CAP1: variants seen among roughly 807,000 people sequenced by gnomAD.
The protein encoded by CAP1 is cyclase associated actin cytoskeleton regulatory protein 1, also known as adenylyl cyclase-associated protein 1.
In CAP1, 11 loss-of-function variants were observed where a neutral mutation model predicts 58.2. The observed-to-expected ratio is 0.19, with a 90% CI of 0.12 to 0.31. The LOEUF (loss-of-function observed/expected upper bound fraction) is 0.31. Among genes scored for constraint, CAP1 ranks in the 10% least tolerant of loss-of-function variants. CAP1 has a pLI of 1.00. For missense variants in CAP1, 423 were observed against 587.5 expected (o/e 0.72, Z 2.89); for synonymous variants, 183 against 213.8 (o/e 0.86, Z 1.26).
intron 8 of CAP1, 124 bp downstream of exon 8, chr1:40,067,841 G>A: frequency 1.6e-6 from 1 of 636,074 alleles, no homozygotes; most frequent in Non-Finnish European, 2.7e-6. Flanking sequence ...GGTGTGTCCT[G>A]TTCCTTTAAG....
intron 4 of CAP1, among the ~76,000 whole-genome samples, chr1:40,063,032 T>C (rs774505939): frequency 2.6e-5 from 4 of 152,002 alleles, no homozygotes; most frequent in Admixed American, 6.6e-5. Flanking sequence ...GGGTGTTGTT[T>C]TGTCACCCAG....
At chr1:40,055,847 G>A (rs1236798671) in intron 1 of CAP1, among the ~76,000 whole-genome samples, 1 of 152,094 alleles carries the variant, frequency 6.6e-6, no homozygotes, top group African/African-American at 2.4e-5. Flanking sequence ...GAGGCAAGAG[G>A]CATCTATTCA....
chr1:40,070,765 A>C, intron 11 of CAP1, 71 bp from the exon 12 acceptor site: 1 of 1,401,514 alleles, frequency 7.1e-7, no homozygotes, highest in Non-Finnish European at 9.8e-7. Context: ...GTGAAACAGG[A>C]AACCTTTTCC....
At chr1:40,046,397 A>G (rs1646103649) in intron 1 of CAP1, among the ~76,000 whole-genome samples, 1 of 152,188 alleles carries the variant, frequency 6.6e-6, no homozygotes. Flanking sequence ...TGGAGGTTGC[A>G]GTGAGCTAAG....
At chr1:40,064,904 G>T (rs1465696314) in intron 6 of CAP1, among the ~76,000 whole-genome samples, 1 of 152,182 alleles carries the variant, frequency 6.6e-6, no homozygotes, top group Non-Finnish European at 1.5e-5. Context: ...AACCCATTTG[G>T]TTACTTGCTG....
chr1:40,069,724 C>G lies in CAP1; in HGVS notation c.843C>G (p.His281Gln). ...LKHVSDDMKT[H>Q]KNPALKAQSG... ...ATGTATCTGATGACATGAAGACTCA[C>G]AAGAACCCTGCCCTGAAGGCTCAGA... Residue 281 changes from histidine to glutamine, a missense_variant, in exon 9 of 13, where the codon CAC (histidine) becomes CAG (glutamine). Coordinates refer to ENST00000372805, the MANE Select transcript of CAP1 (RefSeq NM_006367.4). The G allele has an allele frequency of 6.2e-7, 1 of 1,613,812 alleles. No individual in the cohort carries two copies. Among genetic ancestry groups the G allele is most frequent in the Non-Finnish European group, 8.5e-7 (1 of 1,179,882 alleles).
At chr1:40,063,472 T>C (rs918264777) in intron 4 of CAP1, among the ~76,000 whole-genome samples, 1 of 151,508 alleles carries the variant, frequency 6.6e-6, no homozygotes, top group African/African-American at 2.4e-5. Flanking sequence ...CCACCATGCC[T>C]GGCCCTAATT....
Position 40,066,132 on chromosome 1 carries a change from AG to A in CAP1, c.525-82del. The A allele has an allele frequency of 7.8e-6, 6 of 767,632 alleles. No homozygotes were observed. In the South Asian group the frequency reaches 8.8e-5, roughly 11 times the overall value. The allele number at this position is 767,632 out of a possible 1,614,324, so 47.6% of individuals were successfully genotyped here. A position where few individuals can be genotyped will look rare whatever the true frequency, so the allele number is the denominator to read the frequency against. On this transcript the variant is annotated intron_variant, in intron 6 of 12. Transcript: ENST00000372805. Reference sequence around the variant, plus strand: ...GAAACACCACGGGTAGGAGAATGTGAGCCCATAGGAAAGAAGGGTTCTGGAG... The same window carrying A: ...GAAACACCACGGGTAGGAGAATGTGACCCATAGGAAAGAAGGGTTCTGGAG...
intron 8 of CAP1, 43 bp downstream of exon 8, chr1:40,067,760 T>C (rs777329866): frequency 6.9e-7 from 1 of 1,458,228 alleles, no homozygotes; most frequent in South Asian, 1.2e-5. Context: ...CAACAAGTTG[T>C]GTGGGCCAGA....
intron 4 of CAP1, among the ~76,000 whole-genome samples, chr1:40,063,895 C>T (rs1054490118): frequency 2.0e-5 from 3 of 152,132 alleles, no homozygotes; most frequent in Admixed American, 1.3e-4. Context: ...AAAAAGAGAA[C>T]ATCATGAGTA....
chr1:40,044,788 CTTTTTTTT>C (rs71060347), intron 1 of CAP1, among the ~76,000 whole-genome samples: 15 of 85,246 alleles, frequency 1.8e-4, no homozygotes, highest in Admixed American at 1.4e-3. Context: ...CCATATAATT[CTTTTTTTT>C]TTTTTTTTTT....
At chr1:40,045,591 G>T (rs951539330) in intron 1 of CAP1, among the ~76,000 whole-genome samples, 1 of 151,644 alleles carries the variant, frequency 6.6e-6, no homozygotes, top group Non-Finnish European at 1.5e-5. Context: ...AGTTTTGCTC[G>T]GTCGCCCAGG....
intron 1 of CAP1, among the ~76,000 whole-genome samples, chr1:40,050,182 C>T (rs376320355): frequency 6.6e-5 from 10 of 152,106 alleles, no homozygotes; most frequent in Middle Eastern, 3.4e-3. Flanking sequence ...TAGAATCCCT[C>T]TAATCCTGAG....
chr1:40,044,183 A>G (rs1252501603), intron 1 of CAP1, among the ~76,000 whole-genome samples: 1 of 151,970 alleles, frequency 6.6e-6, no homozygotes, highest in Non-Finnish European at 1.5e-5. Context: ...GACTTTCTTG[A>G]GGCTGAGTTA....
intron 8 of CAP1, 42 bp downstream of exon 8, chr1:40,067,759 G>A: frequency 6.9e-7 from 1 of 1,457,422 alleles, no homozygotes; most frequent in Non-Finnish European, 9.5e-7. Context: ...ACAACAAGTT[G>A]TGTGGGCCAG....
At chr1:40,059,768 C>T (rs867449355) in intron 2 of CAP1, among the ~76,000 whole-genome samples, 2 of 152,134 alleles carry the variant, frequency 1.3e-5, no homozygotes, top group South Asian at 4.1e-4. Flanking sequence ...GCAAATTGGA[C>T]ATTTTGCACA....
intron 8 of CAP1, among the ~76,000 whole-genome samples, chr1:40,067,925 A>G (rs1373638818): frequency 3.3e-5 from 5 of 152,236 alleles, no homozygotes; most frequent in African/African-American, 1.2e-4. Flanking sequence ...CCCCATGGGA[A>G]AGTGACTTAA....
intron 6 of CAP1, 87 bp downstream of exon 6, chr1:40,064,646 A>G: frequency 1.0e-6 from 1 of 962,516 alleles, no homozygotes; most frequent in Admixed American, 1.9e-5. Flanking sequence ...GCACAATCAC[A>G]GCTCATTGCA....
At chr1:40,066,155 G>A (rs1647068872) in intron 6 of CAP1, 60 bp from the exon 7 acceptor site, 2 of 924,678 alleles carry the variant, frequency 2.2e-6, no homozygotes, top group African/African-American at 1.6e-5. Context: ...GAAGGGTTCT[G>A]GAGTCACCAC....
Sources: allele counts gnomAD v4.1 joint callset (sites outside exome capture counted in the v4.1 genomes callset), GRCh38; gene constraint gnomAD v4.1.1; transcripts MANE v1.5; gene names NCBI Gene and HGNC (gene_info 2026-07-23, HGNC 2026-07-21).